MTMR6: variants seen among roughly 807,000 people sequenced by gnomAD.
The protein encoded by MTMR6 is myotubularin related protein 6, also known as phosphatidylinositol-3,5-bisphosphate 3-phosphatase MTMR6.
In MTMR6, 47 loss-of-function variants were observed where a neutral mutation model predicts 80.1. The observed-to-expected ratio is 0.59, with a 90% CI of 0.46 to 0.75. MTMR6 has a LOEUF of 0.75. Among genes scored for constraint, MTMR6 ranks in the 30% least tolerant of loss-of-function variants. The pLI is 0.00. For missense variants in MTMR6, 629 were observed against 730.9 expected, an observed-to-expected ratio of 0.86 and a Z score of 1.61; for synonymous variants, 254 against 253.0, an observed-to-expected ratio of 1.00 and a Z score of -0.04.
chr13:25,287,226 T>C lies in MTMR6; in HGVS notation c.22A>G (p.Lys8Glu). ...CTGGCGATCCCGCGCCCGACTACCT[T>C]GGTCGTCCGGATATGCTCCATCGCA... is the stretch of plus-strand genomic sequence containing the variant. MEHIRTT[K>E]VEQVKLLDRF... The change falls in exon 1 of 14, where the codon AAG becomes GAG. Residue 8 changes from lysine to glutamate, a missense_variant and splice_region_variant. Transcript: ENST00000381801. The C allele has an allele frequency of 1.9e-6, 3 of 1,598,356 alleles. No individual in the cohort carries two copies. The highest frequency in any genetic ancestry group is 1.7e-6 in the Non-Finnish European group (2 of 1,175,038).
intron 9 of MTMR6, 36 bp from the exon 10 acceptor site, chr13:25,254,470 C>T (rs768102895): frequency 2.3e-6 from 3 of 1,306,540 alleles, no homozygotes; most frequent in South Asian, 1.2e-5. Flanking sequence ...TTTCTGACTA[C>T]TTTCAATTAT....
intron 1 of MTMR6, among the ~76,000 whole-genome samples, chr13:25,281,904 T>C (rs933636078): frequency 1.3e-5 from 2 of 152,146 alleles, no homozygotes; most frequent in African/African-American, 4.8e-5. Flanking sequence ...GAGAGTAACC[T>C]CAGATCGTAA....
intron 1 of MTMR6, among the ~76,000 whole-genome samples, chr13:25,286,943 C>A (rs1462477319): frequency 6.6e-6 from 1 of 152,150 alleles, no homozygotes; most frequent in Non-Finnish European, 1.5e-5. Context: ...AAACGTAGAG[C>A]TAGGAGGGCG....
rs1374347205 is a variant in MTMR6 at position 25,249,222 on chromosome 13, C to T, written c.*10G>A. 2 of 1,608,438 alleles carry T rather than the reference C, an allele frequency of 1.2e-6. No homozygotes were observed. The highest frequency in any genetic ancestry group is 1.3e-5 in the African/African-American group (1 of 74,878). ...TGTACTGCAATCATTGCAGAAAAAA[C>T]TCTATGAGTCTAACAAGTCATTCTT... On this transcript the variant is annotated 3_prime_UTR_variant, in exon 14 of 14. Transcript: ENST00000381801.
At chr13:25,257,130 G>A (rs1422053413) in intron 9 of MTMR6, 66 bp downstream of exon 9, 1 of 1,483,214 alleles carries the variant, frequency 6.7e-7, no homozygotes, top group Non-Finnish European at 9.1e-7. Context: ...ATTGCCAAAT[G>A]TCCTCTGGAG....
intron 2 of MTMR6, among the ~76,000 whole-genome samples, chr13:25,273,734 C>T (rs774551286): frequency 2.6e-5 from 4 of 152,130 alleles, no homozygotes; most frequent in Non-Finnish European, 5.9e-5. Flanking sequence ...ACTATGTTGG[C>T]CAGGCTGGTC....
chr13:25,258,189 T>C lies in MTMR6; in HGVS notation c.860-344A>G, dbSNP rs551621748. On this transcript the variant is annotated intron_variant, in intron 7 of 13. Coordinates refer to ENST00000381801, the MANE Select transcript of MTMR6 (RefSeq NM_004685.5). ...ATTTATTGTACTGACTACTCAAGAATATCTATCTAATAACATTTTTTTTGC... is the reference window on the plus strand; with the variant it reads ...ATTTATTGTACTGACTACTCAAGAACATCTATCTAATAACATTTTTTTTGC... Among the ~76,000 whole-genome samples the C allele has an allele frequency of 9.2e-5, 14 of 152,308 alleles. No individual in the cohort carries two copies. In the South Asian group the frequency reaches 1.9e-3, roughly 20 times the overall value.
Position 25,249,247 on chromosome 13 carries a change from T to C in MTMR6, c.1851A>G (p.Ala617=). The C allele has an allele frequency of 3.1e-6, 5 of 1,613,668 alleles. No homozygotes were observed. The highest frequency in any genetic ancestry group is 3.4e-6 in the Non-Finnish European group (4 of 1,179,644). The change falls in exon 14 of 14, where the codon GCA becomes GCG. Residue 617 remains alanine, a synonymous_variant. Coordinates refer to ENST00000381801, the MANE Select transcript of MTMR6 (RefSeq NM_004685.5). The part of the protein sequence containing the change: ...PAVVSLEYGV[A]RMTC ...CTCTATGAGTCTAACAAGTCATTCT[T>C]GCCACACCATACTCTAAGCTGACCA...
At chr13:25,249,606 T>G (rs1245570258) in intron 13 of MTMR6, 114 bp from the exon 14 acceptor site, 4 of 1,059,172 alleles carry the variant, frequency 3.8e-6, no homozygotes, top group Non-Finnish European at 5.3e-6. Context: ...AATGCAAAAC[T>G]AAATCTCAAA....
chr13:25,261,914 G>A lies in MTMR6; in HGVS notation c.592-112C>T, dbSNP rs145545671. Reference sequence around the variant, plus strand: ...TTAAAATCAAATATGATAATTAGGAGGCATTAACTTTAAGATCCTCTTTGA... The same window carrying A: ...TTAAAATCAAATATGATAATTAGGAAGCATTAACTTTAAGATCCTCTTTGA... On this transcript the variant is annotated intron_variant, in intron 5 of 13. Transcript: ENST00000381801. The A allele has an allele frequency of 1.4e-3, 1,408 of 990,740 alleles. 22 individuals are homozygous for A. The African/African-American group carries it at 0.021, about 15-fold the overall frequency. 61.4% of individuals were successfully genotyped at this position (990,740 alleles called of 1,614,324 possible). A position where few individuals can be genotyped will look rare whatever the true frequency, so the allele number is the denominator to read the frequency against.
rs1957023297 is a variant in MTMR6 at position 25,248,410 on chromosome 13, T to A, written c.*822A>T. On this transcript the variant is annotated 3_prime_UTR_variant, in exon 14 of 14. Coordinates refer to ENST00000381801, the MANE Select transcript of MTMR6 (RefSeq NM_004685.5). The stretch of plus-strand genomic sequence containing the variant: ...CAAAATAAGAATCAATGGAATGCAG[T>A]AATCCATATATAAAAGACAGTCAAA... 1 of 152,176 alleles carries A rather than the reference T, an allele frequency of 6.6e-6. No individual in the cohort carries two copies. Among genetic ancestry groups the A allele is most frequent in the South Asian group, 2.1e-4 (1 of 4,834 alleles). 9.4% of individuals were successfully genotyped at this position (152,176 alleles called of 1,614,324 possible).
chr13:25,284,893 G>A (rs1308281491), intron 1 of MTMR6, among the ~76,000 whole-genome samples: 1 of 152,142 alleles, frequency 6.6e-6, no homozygotes, highest in Non-Finnish European at 1.5e-5. Context: ...GCACATACTA[G>A]GTACCTAGAA....
chr13:25,287,384 G>T lies in MTMR6; in HGVS notation c.-137C>A. ...CGCGGGTCTGTCTGCCGGCCCCGGTGGCGTCAACGGCGCAGGTGCAGCCGG... is the reference window on the plus strand; with the variant it reads ...CGCGGGTCTGTCTGCCGGCCCCGGTTGCGTCAACGGCGCAGGTGCAGCCGG... On this transcript the variant is annotated 5_prime_UTR_variant, in exon 1 of 14. Coordinates refer to ENST00000381801, the MANE Select transcript of MTMR6 (RefSeq NM_004685.5). 2.6e-6 allele frequency: 3 copies of T among 1,156,724 alleles called. No individual in the cohort carries two copies. In the African/African-American group the frequency reaches 4.6e-5, roughly 18 times the overall value. The allele number at this position is 1,156,724 out of a possible 1,614,324, so 71.7% of individuals were successfully genotyped here. A position where few individuals can be genotyped will look rare whatever the true frequency, so the allele number is the denominator to read the frequency against.
intron 8 of MTMR6, 98 bp from the exon 9 acceptor site, chr13:25,257,419 G>A: frequency 7.4e-7 from 1 of 1,360,448 alleles, no homozygotes; most frequent in Non-Finnish European, 1.0e-6. Flanking sequence ...ACAAGGAAGT[G>A]CTATGCCTGC....
intron 11 of MTMR6, 76 bp downstream of exon 11, chr13:25,253,688 A>T: frequency 8.1e-7 from 1 of 1,228,744 alleles, no homozygotes; most frequent in Non-Finnish European, 1.1e-6. Context: ...ATATTTTATT[A>T]AGTTTCAAAC....
At chr13:25,278,882 CATAAA>C (rs966867293) in intron 1 of MTMR6, among the ~76,000 whole-genome samples, 24 of 152,014 alleles carry the variant, frequency 1.6e-4, no homozygotes, top group African/African-American at 3.1e-4. Flanking sequence ...GAGACTCTGT[CATAAA>C]ATAAAATAAA....
intron 2 of MTMR6, among the ~76,000 whole-genome samples, chr13:25,268,480 G>A (rs79376894): frequency 2.3e-3 from 348 of 152,296 alleles, no homozygotes; most frequent in Middle Eastern, 0.01. Flanking sequence ...CACATGGTCA[G>A]ATGCTCCCAC....
chr13:25,264,753 C>CAAAA (rs769719876), intron 5 of MTMR6, among the ~76,000 whole-genome samples: 12 of 33,432 alleles, frequency 3.6e-4, no homozygotes, highest in African/African-American at 6.3e-4. Flanking sequence ...AACTCCATCT[C>CAAAA]AAAAAAAAAA....
In MTMR6 at chr13:25,247,719, G is replaced by C. The variant is rs545369977; in HGVS notation, c.*1513C>G. ...TTTTTAAATTACATAATGTATTACA[G>C]AAAAGCATTGGAAAAATAAACAGGA... On this transcript the variant is annotated 3_prime_UTR_variant, in exon 14 of 14. Coordinates refer to ENST00000381801, the MANE Select transcript of MTMR6 (RefSeq NM_004685.5). 2 of 152,190 alleles carry C rather than the reference G, an allele frequency of 1.3e-5. No individual in the cohort carries two copies. The highest frequency in any genetic ancestry group is 4.8e-5 in the African/African-American group (2 of 41,542). The allele number at this position is 152,190 out of a possible 1,614,324, so 9.4% of individuals were successfully genotyped here.
Sources: allele counts gnomAD v4.1 joint callset (sites outside exome capture counted in the v4.1 genomes callset), GRCh38; gene constraint gnomAD v4.1.1; transcripts MANE v1.5; gene names NCBI Gene and HGNC (gene_info 2026-07-23, HGNC 2026-07-21).